The following STARD13 variants were observed in gnomAD, a reference collection of about 807,000 sequenced individuals.
STARD13 encodes StAR related lipid transfer domain containing 13.
STARD13 carries 62 observed loss-of-function variants against 106.4 expected under a neutral mutation model. The ratio of observed to expected loss-of-function variants is 0.58; its 90% CI spans 0.48 to 0.72. STARD13 has a LOEUF of 0.72. Among genes scored for constraint, STARD13 ranks in the 30% least tolerant of loss-of-function variants. The pLI is 0.00. For missense variants in STARD13, 1,387 were observed against 1,424.0 expected, an observed-to-expected ratio of 0.97 and a Z score of 0.42; for synonymous variants, 565 against 553.0, an observed-to-expected ratio of 1.02 and a Z score of -0.31.
chr13:33,171,016 G>A (rs528986037), intron 1 of STARD13, among the ~76,000 whole-genome samples: 3 of 152,092 alleles, frequency 2.0e-5, no homozygotes, highest in Non-Finnish European at 4.4e-5. Flanking sequence ...AATGACTGGA[G>A]AACTAAAAAG....
At chr13:33,157,530 C>T (rs957899793) in intron 3 of STARD13, among the ~76,000 whole-genome samples, 2 of 151,962 alleles carry the variant, frequency 1.3e-5, no homozygotes, top group African/African-American at 4.8e-5. Context: ...TGTAGCTGGG[C>T]GTGGTGGTTG....
chr13:33,106,662 G>T, intron 13 of STARD13, 96 bp downstream of exon 13: 1 of 1,199,654 alleles, frequency 8.3e-7, no homozygotes, highest in Non-Finnish European at 1.1e-6. Flanking sequence ...AACAAATACA[G>T]TGAAATAAGA....
the STARD13 span, among the ~76,000 whole-genome samples, chr13:33,531,078 T>G: frequency 6.6e-6 from 1 of 152,132 alleles, no homozygotes; most frequent in African/African-American, 2.4e-5. Flanking sequence ...TCCTGTGCTA[T>G]TCCTGTAATA....
At chr13:33,576,057 A>G in the STARD13 span, among the ~76,000 whole-genome samples, 4 of 152,242 alleles carry the variant, frequency 2.6e-5, no homozygotes, top group East Asian at 1.9e-4. Context: ...TACTACAACA[A>G]CTAGCTCAGA....
exon 1 of STARD13, chr13:33,350,343 G>C: frequency 1.3e-6 from 2 of 1,534,366 alleles, no homozygotes; most frequent in Non-Finnish European, 1.7e-6. Context: ...GGCTCTGGCC[G>C]TGGAGTCCCG....
chr13:33,574,309 C>T, the STARD13 span, among the ~76,000 whole-genome samples: 1 of 152,124 alleles, frequency 6.6e-6, no homozygotes, highest in African/African-American at 2.4e-5. Flanking sequence ...TGAGAGAACA[C>T]AGTAAGTGAA....
intron 1 of STARD13, among the ~76,000 whole-genome samples, chr13:33,201,977 A>T (rs1344101991): frequency 6.6e-6 from 1 of 151,596 alleles, no homozygotes; most frequent in Non-Finnish European, 1.5e-5. Flanking sequence ...ATTTATAAAT[A>T]ATATCATGCT....
the STARD13 span, among the ~76,000 whole-genome samples, chr13:33,548,329 G>T: frequency 1.1e-4 from 16 of 152,146 alleles, no homozygotes; most frequent in Admixed American, 6.5e-4. Context: ...TTTGGAAGAT[G>T]TTCTTAGCAT....
At chr13:33,414,786 A>G in the STARD13 span, among the ~76,000 whole-genome samples, 6 of 152,190 alleles carry the variant, frequency 3.9e-5, no homozygotes, top group African/African-American at 1.4e-4. Context: ...AACATTATCA[A>G]TGAGAGAAAA....
chr13:33,221,540 A>T (rs1356253211), intron 1 of STARD13, among the ~76,000 whole-genome samples: 1 of 152,134 alleles, frequency 6.6e-6, no homozygotes, highest in Non-Finnish European at 1.5e-5. Flanking sequence ...GTTCCTGCTG[A>T]TCATCTGAGT....
the STARD13 span, among the ~76,000 whole-genome samples, chr13:33,516,545 T>G: frequency 2.6e-5 from 4 of 152,108 alleles, no homozygotes; most frequent in African/African-American, 4.8e-5. Context: ...TTTTTTCTCA[T>G]TATTCTTTTT....
chr13:33,553,612 A>T, the STARD13 span, among the ~76,000 whole-genome samples: 38 of 147,778 alleles, frequency 2.6e-4, no homozygotes, highest in Middle Eastern at 7.1e-3. Context: ...ATGGAGTCTC[A>T]CTCTGTGGCC....
intron 1 of STARD13, among the ~76,000 whole-genome samples, chr13:33,231,296 A>C (rs1254229383): frequency 6.6e-6 from 1 of 152,204 alleles, no homozygotes; most frequent in Non-Finnish European, 1.5e-5. Flanking sequence ...TCAGGACAGC[A>C]GGGCCAGGCT....
At chr13:33,152,810 G>A (rs1881455894) in intron 3 of STARD13, among the ~76,000 whole-genome samples, 1 of 152,168 alleles carries the variant, frequency 6.6e-6, no homozygotes, top group Admixed American at 6.5e-5. Context: ...TAAAAGCCTA[G>A]TCTGGGAAAT....
At chr13:33,499,511 C>CTTCTTT in the STARD13 span, among the ~76,000 whole-genome samples, 1 of 69,168 alleles carries the variant, frequency 1.4e-5, no homozygotes, top group African/African-American at 7.1e-5. Context: ...TCTTCTTCTT[C>CTTCTTT]TTCTTTCTTT....
intron 1 of STARD13, among the ~76,000 whole-genome samples, chr13:33,243,056 G>T (rs1889611168): frequency 1.3e-5 from 2 of 152,070 alleles, no homozygotes; most frequent in Admixed American, 1.3e-4. Context: ...GGATGATGTG[G>T]CTACAGGAAT....
chr13:33,229,615 A>ACC, intron 1 of STARD13, among the ~76,000 whole-genome samples: 1 of 152,326 alleles, frequency 6.6e-6, no homozygotes, highest in East Asian at 1.9e-4. Context: ...GTGCACACAC[A>ACC]CCACACACAC....
the STARD13 span, among the ~76,000 whole-genome samples, chr13:33,495,239 T>C: frequency 1.3e-5 from 2 of 152,216 alleles, no homozygotes; most frequent in Non-Finnish European, 2.9e-5. Flanking sequence ...TAAAAAACTA[T>C]TCAGAACTCT....
intron 5 of STARD13, among the ~76,000 whole-genome samples, chr13:33,128,391 A>G (rs1221132023): frequency 1.3e-5 from 2 of 152,220 alleles, no homozygotes; most frequent in Admixed American, 1.3e-4. Context: ...GAAACCCAGC[A>G]GCACAGGGCC....
Sources: allele counts gnomAD v4.1 joint callset (sites outside exome capture counted in the v4.1 genomes callset), GRCh38; gene constraint gnomAD v4.1.1; transcripts MANE v1.5; gene names NCBI Gene and HGNC (gene_info 2026-07-23, HGNC 2026-07-21).